Variants in OR5L1 observed in about 807,000 individuals in gnomAD.
The protein encoded by OR5L1 is olfactory receptor 5L1.
For synonymous variants in OR5L1, 197 were observed against 146.6 expected (o/e 1.34, Z -2.49); for missense variants, 398 against 365.8 (o/e 1.09, Z -0.72).
Position 55,812,185 on chromosome 11 carries a change from C to G in OR5L1, c.719C>G (p.Thr240Ser), listed in dbSNP as rs950819387. 1.9e-6 allele frequency: 3 copies of G among 1,613,806 alleles called. No individual in the cohort carries two copies. In the African/African-American group the frequency reaches 4.0e-5, roughly 22 times the overall value. The change falls in exon 1 of 1, where the codon ACC becomes AGC. Residue 240 changes from threonine to serine, a missense_variant. Physicochemically the swap from Thr to Ser is moderately conservative, Grantham distance 58. Transcript: ENST00000625203. The stretch of plus-strand genomic sequence containing the variant: ...GAGGGCAGGCACAAAGCCTTCTCCA[C>G]CTGTGCTTCCCACCTCACAGCTATC... ...SAEGRHKAFS[T>S]CASHLTAITV...
chr11:55,812,421 A>G lies in OR5L1; in HGVS notation c.*19A>G, dbSNP rs754693929. 6 of 1,562,836 alleles carry G rather than the reference A, an allele frequency of 3.8e-6. No individual in the cohort carries two copies. The highest frequency in any genetic ancestry group is 1.7e-5 in the Admixed American group (1 of 57,762). On this transcript the variant is annotated 3_prime_UTR_variant, in exon 1 of 1. Transcript: ENST00000625203. ...CTCCTAGGGAAGATTTTATTAGCAC[A>G]ATTCAGGATTCCCAAGTAGTGGCAG...
chr11:55,811,707 A>G lies in OR5L1; in HGVS notation c.241A>G (p.Met81Val). 1 of 1,614,040 alleles carries G rather than the reference A, an allele frequency of 6.2e-7. No individual in the cohort carries two copies. The highest frequency in any genetic ancestry group is 8.5e-7 in the Non-Finnish European group (1 of 1,180,042). Residue 81 changes from methionine to valine, a missense_variant, in exon 1 of 1, where the codon ATG becomes GTG. Physicochemically the swap from Met to Val is conservative, Grantham distance 21. Coordinates refer to ENST00000625203, the MANE Select transcript of OR5L1 (RefSeq NM_001004738.2). ...FCYSSIIVPK[M>V]LANIFNKDKA... Reference sequence around the variant, plus strand: ...CTACTCCTCAATAATTGTGCCAAAAATGTTGGCTAATATCTTTAACAAGGA... The same window carrying G: ...CTACTCCTCAATAATTGTGCCAAAAGTGTTGGCTAATATCTTTAACAAGGA...
chr11:55,811,924 C>A lies in OR5L1; in HGVS notation c.458C>A (p.Thr153Lys). 6.2e-7 allele frequency: 1 copy of A among 1,613,854 alleles called. No homozygotes were observed. The highest frequency in any genetic ancestry group is 2.2e-5 in the East Asian group (1 of 44,866). The change falls in exon 1 of 1, where the codon ACG (threonine) becomes AAG (lysine). Residue 153 changes from threonine to lysine, a missense_variant. Transcript: ENST00000625203. Reference sequence around the variant, plus strand: ...GCTTCTTGCTGCTACTTCTGTGGGACGGTGTGTTCTCTGATTCATTTGTGC... The same window carrying A: ...GCTTCTTGCTGCTACTTCTGTGGGAAGGTGTGTTCTCTGATTCATTTGTGC... ...ELASCCYFCG[T>K]VCSLIHLCLA...
chr11:55,812,208 A>C lies in OR5L1; in HGVS notation c.742A>C (p.Ile248Leu). The change falls in exon 1 of 1, where the codon ATC becomes CTC. Residue 248 changes from isoleucine (I) to leucine (L), a missense_variant. Physicochemically the swap from Ile to Leu is conservative, Grantham distance 5. Coordinates refer to ENST00000625203, the MANE Select transcript of OR5L1 (RefSeq NM_001004738.2). Reference sequence around the variant, plus strand: ...CACCTGTGCTTCCCACCTCACAGCTATCACTGTCTTCCATGGAACAGTCCT... The same window carrying C: ...CACCTGTGCTTCCCACCTCACAGCTCTCACTGTCTTCCATGGAACAGTCCT... ...FSTCASHLTA[I>L]TVFHGTVLSI... 1.2e-6 allele frequency: 2 copies of C among 1,613,906 alleles called. No homozygotes were observed. The highest frequency in any genetic ancestry group is 1.7e-6 in the Non-Finnish European group (2 of 1,180,022).
In OR5L1 at chr11:55,811,918, G is replaced by T. The variant is rs1251625791; in HGVS notation, c.452G>T (p.Cys151Phe). Residue 151 changes from cysteine (C) to phenylalanine (F), a missense_variant, in exon 1 of 1, where the codon TGT becomes TTT. Coordinates refer to ENST00000625203, the MANE Select transcript of OR5L1 (RefSeq NM_001004738.2). ...GAGCTGGCTTCTTGCTGCTACTTCTGTGGGACGGTGTGTTCTCTGATTCAT... is the reference window on the plus strand; with the variant it reads ...GAGCTGGCTTCTTGCTGCTACTTCTTTGGGACGGTGTGTTCTCTGATTCAT... ...RVELASCCYF[C>F]GTVCSLIHLC... 6.2e-7 allele frequency: 1 copy of T among 1,613,926 alleles called. No homozygotes were observed. The highest frequency in any genetic ancestry group is 1.7e-5 in the Admixed American group (1 of 60,002).
In OR5L1 at chr11:55,811,706, A is replaced by T; in HGVS notation, c.240A>T (p.Lys80Asn). The T allele has an allele frequency of 1.1e-5, 18 of 1,576,948 alleles. No homozygotes were observed. The highest frequency in any genetic ancestry group is 1.5e-5 in the Non-Finnish European group (17 of 1,149,180). The change falls in exon 1 of 1, where the codon AAA becomes AAT. Residue 80 changes from lysine (K) to asparagine (N), a missense_variant. Transcript: ENST00000625203. Reference sequence around the variant, plus strand: ...GCTACTCCTCAATAATTGTGCCAAAAATGTTGGCTAATATCTTTAACAAGG... The same window carrying T: ...GCTACTCCTCAATAATTGTGCCAAATATGTTGGCTAATATCTTTAACAAGG... ...DFCYSSIIVPKMLANIFNKDK... is the reference protein window; with the variant it reads ...DFCYSSIIVPNMLANIFNKDK...
At position 55,811,991 on chromosome 11, in the gene OR5L1, C is replaced by T. The variant is rs1421298212; in HGVS notation, c.525C>T (p.Asn175=). 3.1e-6 allele frequency: 5 copies of T among 1,613,832 alleles called. No homozygotes were observed. The highest frequency in any genetic ancestry group is 3.4e-6 in the Non-Finnish European group (4 of 1,180,008). Reference sequence around the variant, plus strand: ...CCTTCTATAGATCTAATGTGATTAACCACTTTTTCTGTGATCTACCTCCTG... The same window carrying T: ...CCTTCTATAGATCTAATGTGATTAATCACTTTTTCTGTGATCTACCTCCTG... The part of the protein sequence containing the change: ...RIPFYRSNVI[N]HFFCDLPPVL... The change falls in exon 1 of 1, where the codon AAC becomes AAT. Residue 175 remains asparagine, a synonymous_variant. Coordinates refer to ENST00000625203, the MANE Select transcript of OR5L1 (RefSeq NM_001004738.2).
chr11:55,812,169 C>A lies in OR5L1; in HGVS notation c.703C>A (p.His235Asn), dbSNP rs1026837181. 9.9e-6 allele frequency: 16 copies of A among 1,613,790 alleles called. 1 individual carries two copies. In the Admixed American group the frequency reaches 2.3e-4, roughly 24 times the overall value. The change falls in exon 1 of 1, where the codon CAC becomes AAC. Residue 235 changes from histidine (H) to asparagine (N), a missense_variant. Transcript: ENST00000625203. ...ILKMGSAEGR[H>N]KAFSTCASHL... ...GAAGATGGGCTCTGCAGAGGGCAGG[C>A]ACAAAGCCTTCTCCACCTGTGCTTC...
At position 55,811,664 on chromosome 11, in the gene OR5L1, G is replaced by A. The variant is rs758384779; in HGVS notation, c.198G>A (p.Leu66=). The A allele has an allele frequency of 3.7e-6, 6 of 1,614,010 alleles. No homozygotes were observed. The South Asian group carries it at 6.6e-5, about 18-fold the overall frequency. ...HTPMYFFLSH[L]SSVDFCYSSI... is the part of the protein sequence containing the mutation. ...CCATGTACTTTTTCCTCAGCCACTTGTCCTCTGTAGATTTCTGCTACTCCT... is the reference window on the plus strand; with the variant it reads ...CCATGTACTTTTTCCTCAGCCACTTATCCTCTGTAGATTTCTGCTACTCCT... The change falls in exon 1 of 1, where the codon TTG becomes TTA. Residue 66 remains leucine (L), a synonymous_variant. Coordinates refer to ENST00000625203, the MANE Select transcript of OR5L1 (RefSeq NM_001004738.2).
chr11:55,811,412 T>C lies in OR5L1; in HGVS notation c.-55T>C. ...AGCCAAAACTAAAATTTAGACTATA[T>C]AATGGAGAATAATTTTTAAGTTTCT... On this transcript the variant is annotated 5_prime_UTR_variant, in exon 1 of 1. Coordinates refer to ENST00000625203, the MANE Select transcript of OR5L1 (RefSeq NM_001004738.2). 1.9e-6 allele frequency: 3 copies of C among 1,544,772 alleles called. No individual in the cohort carries two copies. The highest frequency in any genetic ancestry group is 2.6e-6 in the Non-Finnish European group (3 of 1,146,876).
rs528903149 is a variant in OR5L1 at position 55,812,130 on chromosome 11, C to A, written c.664C>A (p.Leu222Ile). 1.2e-6 allele frequency: 2 copies of A among 1,613,892 alleles called. No individual in the cohort carries two copies. Among genetic ancestry groups the A allele is most frequent in the African/African-American group, 2.7e-5 (2 of 74,770 alleles). ...CATCCTCACCTCCTACCTGCTAATT[C>A]TCACCACCATCCTGAAGATGGGCTC... Reference protein sequence around the residue: ...MIILTSYLLILTTILKMGSAE... With the variant: ...MIILTSYLLIITTILKMGSAE... Residue 222 changes from leucine (L) to isoleucine (I), a missense_variant, in exon 1 of 1, where the codon CTC (leucine) becomes ATC (isoleucine). Physicochemically the swap from Leu to Ile is conservative, Grantham distance 5. Transcript: ENST00000625203.
rs768601431 is a variant in OR5L1 at position 55,812,221 on chromosome 11, A to G, written c.755A>G (p.His252Arg). ...CACCTCACAGCTATCACTGTCTTCCATGGAACAGTCCTTTCCATTTATTGC... is the reference window on the plus strand; with the variant it reads ...CACCTCACAGCTATCACTGTCTTCCGTGGAACAGTCCTTTCCATTTATTGC... ...ASHLTAITVF[H>R]GTVLSIYCRP... Residue 252 changes from histidine to arginine, a missense_variant, in exon 1 of 1, where the codon CAT (histidine) becomes CGT (arginine). By Grantham distance (29) the His-to-Arg change is conservative. Transcript: ENST00000625203. 8 of 1,613,920 alleles carry G rather than the reference A, an allele frequency of 5.0e-6. No homozygotes were observed. The highest frequency in any genetic ancestry group is 6.8e-6 in the Non-Finnish European group (8 of 1,180,008).
At position 55,812,005 on chromosome 11, in the gene OR5L1, A is replaced by G; in HGVS notation, c.539A>G (p.Asp180Gly). The change falls in exon 1 of 1, where the codon GAT becomes GGT. Residue 180 changes from aspartate to glycine, a missense_variant. Asp to Gly is a moderately conservative substitution (Grantham distance 94, BLOSUM62 -1). Coordinates refer to ENST00000625203, the MANE Select transcript of OR5L1 (RefSeq NM_001004738.2). ...RSNVINHFFC[D>G]LPPVLSLACS... ...AATGTGATTAACCACTTTTTCTGTG[A>G]TCTACCTCCTGTCTTAAGTCTTGCT... is the stretch of plus-strand genomic sequence containing the variant. The G allele has an allele frequency of 1.2e-6, 2 of 1,613,884 alleles. No individual in the cohort carries two copies. The highest frequency in any genetic ancestry group is 1.3e-5 in the African/African-American group (1 of 74,860).
rs775944699 is a variant in OR5L1 at position 55,812,226 on chromosome 11, A to G, written c.760A>G (p.Thr254Ala). 3 of 1,613,734 alleles carry G rather than the reference A, an allele frequency of 1.9e-6. No homozygotes were observed. The highest frequency in any genetic ancestry group is 1.6e-4 in the Middle Eastern group (1 of 6,082). The change falls in exon 1 of 1, where the codon ACA (threonine) becomes GCA (alanine). Residue 254 changes from threonine (T) to alanine (A), a missense_variant. Thr to Ala is a moderately conservative substitution (Grantham distance 58). Coordinates refer to ENST00000625203, the MANE Select transcript of OR5L1 (RefSeq NM_001004738.2). ...CACAGCTATCACTGTCTTCCATGGAACAGTCCTTTCCATTTATTGCAGGCC... is the reference window on the plus strand; with the variant it reads ...CACAGCTATCACTGTCTTCCATGGAGCAGTCCTTTCCATTTATTGCAGGCC... The part of the protein sequence containing the change: ...HLTAITVFHG[T>A]VLSIYCRPSS...
rs748230944 is a variant in OR5L1, at chr11:55,812,121, C to A, written c.655C>A (p.Leu219Met). 5 of 1,613,998 alleles carry A rather than the reference C, an allele frequency of 3.1e-6. No individual in the cohort carries two copies. In the South Asian group the frequency reaches 5.5e-5, roughly 18 times the overall value. The part of the protein sequence containing the change: ...VTIMIILTSY[L>M]LILTTILKMG... ...CATCATGATCATCCTCACCTCCTAC[C>A]TGCTAATTCTCACCACCATCCTGAA... Residue 219 changes from leucine to methionine, a missense_variant, in exon 1 of 1, where the codon CTG becomes ATG. Leu to Met is a conservative substitution (Grantham distance 15). Coordinates refer to ENST00000625203, the MANE Select transcript of OR5L1 (RefSeq NM_001004738.2).
In OR5L1 at chr11:55,811,409, A is replaced by G. The variant is rs1345824722; in HGVS notation, c.-58A>G. 1.4e-5 allele frequency: 22 copies of G among 1,537,284 alleles called. No individual in the cohort carries two copies. The highest frequency in any genetic ancestry group is 2.0e-5 in the Admixed American group (1 of 50,936). ...TACAGCCAAAACTAAAATTTAGACT[A>G]TATAATGGAGAATAATTTTTAAGTT... is the stretch of plus-strand genomic sequence containing the variant. On this transcript the variant is annotated 5_prime_UTR_variant, in exon 1 of 1. Transcript: ENST00000625203.
At position 55,812,131 on chromosome 11, in the gene OR5L1, T is replaced by C; in HGVS notation, c.665T>C (p.Leu222Pro). ...MIILTSYLLI[L>P]TTILKMGSAE... ...ATCCTCACCTCCTACCTGCTAATTC[T>C]CACCACCATCCTGAAGATGGGCTCT... The change falls in exon 1 of 1, where the codon CTC (leucine) becomes CCC (proline). Residue 222 changes from leucine (L) to proline (P), a missense_variant. Leu to Pro is a moderately conservative substitution (Grantham distance 98). Transcript: ENST00000625203. The C allele has an allele frequency of 6.2e-7, 1 of 1,613,980 alleles. No individual in the cohort carries two copies. The highest frequency in any genetic ancestry group is 8.5e-7 in the Non-Finnish European group (1 of 1,180,034).
Position 55,812,134 on chromosome 11 carries a change from C to A in OR5L1, c.668C>A (p.Thr223Asn). Residue 223 changes from threonine to asparagine, a missense_variant, in exon 1 of 1, where the codon ACC becomes AAC. Coordinates refer to ENST00000625203, the MANE Select transcript of OR5L1 (RefSeq NM_001004738.2). ...CTCACCTCCTACCTGCTAATTCTCA[C>A]CACCATCCTGAAGATGGGCTCTGCA... The part of the protein sequence containing the change: ...IILTSYLLIL[T>N]TILKMGSAEG... 6.2e-7 allele frequency: 1 copy of A among 1,614,012 alleles called. No homozygotes were observed.
chr11:55,812,294 G>A lies in OR5L1; in HGVS notation c.828G>A (p.Val276=), dbSNP rs201671558. 5.0e-5 allele frequency: 81 copies of A among 1,613,874 alleles called. No individual in the cohort carries two copies. Among genetic ancestry groups the A allele is most frequent in the African/African-American group, 4.0e-5 (3 of 74,834 alleles). ...GAGATGCTGACAAAGTGGCCACCGT[G>A]TTCTACACAGTCGTGATTCCTATGC... ...NSGDADKVAT[V]FYTVVIPMLN... is the part of the protein sequence containing the mutation. The change falls in exon 1 of 1, where the codon GTG becomes GTA. Residue 276 remains valine (V), a synonymous_variant. Transcript: ENST00000625203.
Sources: gnomAD v4.1 joint callset for allele counts on GRCh38, gnomAD v4.1.1 for gene constraint, MANE v1.5 for transcripts, NCBI Gene and HGNC (gene_info 2026-07-23, HGNC 2026-07-21) for gene names.